TEX46: variants seen among roughly 807,000 people sequenced by gnomAD.
TEX46 encodes testis expressed 46.
Under a neutral mutation model 5.3 loss-of-function variants are expected in TEX46, and 6 were observed. That is an observed-to-expected ratio of 1.13 (90% CI 0.62 to 2.23). The LOEUF (loss-of-function observed/expected upper bound fraction) is 2.23. Ranked by LOEUF, TEX46 falls within the 30% of genes most tolerant of loss-of-function variation. The pLI, the probability that TEX46 is intolerant of heterozygous loss-of-function variation, is 0.00. For missense variants in TEX46, 131 were observed against 150.9 expected (o/e 0.87, Z 0.69); for synonymous variants, 41 against 54.6 (o/e 0.75, Z 1.10).
intron 2 of TEX46, 113 bp from the exon 3 acceptor site, chr1:23,011,214 C>T: frequency 1.4e-6 from 1 of 733,654 alleles, no homozygotes; most frequent in East Asian, 2.7e-5. Context: ...TTAAGCTCCC[C>T]AGCACCAGGA....
chr1:23,013,883 C>G lies in TEX46; in HGVS notation c.165G>C (p.Gln55His), dbSNP rs1357958169. ...EHKLTLPEPQ[Q>H]DEILQRLLFS... ...AAGCCAAGCCCCATCTTGTGCTCAC[C>G]TGCTGGGGCTCTGGGAGGGTGAGCT... Residue 55 changes from glutamine (Q) to histidine (H), a missense_variant and splice_region_variant, in exon 2 of 3, where the codon CAG (glutamine) becomes CAC (histidine). Physicochemically the swap from Gln to His is conservative, Grantham distance 24. Coordinates refer to ENST00000566855, the MANE Select transcript of TEX46 (RefSeq NM_001242521.2). The G allele has an allele frequency of 7.8e-6, 12 of 1,535,688 alleles. No individual in the cohort carries two copies. Among genetic ancestry groups the G allele is most frequent in the Non-Finnish European group, 9.6e-6 (11 of 1,146,748 alleles).
At chr1:23,011,832 G>C (rs1281814600) in intron 2 of TEX46, among the ~76,000 whole-genome samples, 1 of 152,130 alleles carries the variant, frequency 6.6e-6, no homozygotes, top group African/African-American at 2.4e-5. Context: ...CAGTCACAGT[G>C]GACATAAAGC....
chr1:23,013,996 C>T lies in TEX46; in HGVS notation c.52G>A (p.Ala18Thr). ...ASAGTIGAVA[A>T]WLMSYKPALF... ...GCTGGCTTATAGCTCATCAGCCAAG[C>T]TGCCACTGCTCCTATGGTGCCTGCG... The change falls in exon 2 of 3, where the codon GCT (alanine) becomes ACT (threonine). Residue 18 changes from alanine to threonine, a missense_variant. Ala to Thr is a moderately conservative substitution (Grantham distance 58). Coordinates refer to ENST00000566855, the MANE Select transcript of TEX46 (RefSeq NM_001242521.2). 1.3e-6 allele frequency: 2 copies of T among 1,536,090 alleles called. No homozygotes were observed. The highest frequency in any genetic ancestry group is 8.7e-7 in the Non-Finnish European group (1 of 1,146,888).
chr1:23,011,219 C>T (rs1216927659), intron 2 of TEX46, 118 bp from the exon 3 acceptor site: 4 of 703,186 alleles, frequency 5.7e-6, no homozygotes, highest in Middle Eastern at 4.8e-4. Flanking sequence ...CTCCCCAGCA[C>T]CAGGAAAAGG....
intron 2 of TEX46, 130 bp downstream of exon 2, chr1:23,013,753 G>A (rs373125796): frequency 2.4e-6 from 2 of 822,626 alleles, no homozygotes; most frequent in South Asian, 3.5e-5. Context: ...GTAGAGTGGT[G>A]GTTTAGACCA....
chr1:23,014,323 C>T (rs1218292672), intron 1 of TEX46, among the ~76,000 whole-genome samples: 1 of 152,154 alleles, frequency 6.6e-6, no homozygotes, highest in East Asian at 1.9e-4. Flanking sequence ...CATTCATTCA[C>T]CAGTACTTCT....
At chr1:23,013,598 A>G (rs1382557919) in intron 2 of TEX46, among the ~76,000 whole-genome samples, 2 of 152,070 alleles carry the variant, frequency 1.3e-5, no homozygotes, top group African/African-American at 4.8e-5. Context: ...TTTTCACATT[A>G]AAGTAGTTGT....
chr1:23,011,305 C>A, intron 2 of TEX46: 1 of 516,810 alleles, frequency 1.9e-6, no homozygotes, highest in Non-Finnish European at 3.5e-6. Context: ...CAAACATTAT[C>A]TTAACAGAGT....
In TEX46 at chr1:23,011,012, G is replaced by A. The variant is rs774273202; in HGVS notation, c.255C>T (p.His85=). The A allele has an allele frequency of 6.3e-5, 96 of 1,535,816 alleles. 1 individual carries two copies. In the Middle Eastern group the frequency reaches 8.3e-4, roughly 13 times the overall value. The stretch of plus-strand genomic sequence containing the variant: ...TCCGATGTCTGCTTGACCGCCCGTG[G>A]TGATTCATTTTATTCCATATGATGA... ...QMFIIWNKMN[H]HGRSSRHRNF... is the part of the protein sequence containing the mutation. The change falls in exon 3 of 3, where the codon CAC becomes CAT. Residue 85 remains histidine, a synonymous_variant. Transcript: ENST00000566855.
At chr1:23,014,263 A>C in intron 1 of TEX46, 2 of 422,548 alleles carry the variant, frequency 4.7e-6, no homozygotes, top group Non-Finnish European at 6.3e-6. Flanking sequence ...GGCAGTTTGA[A>C]AGCATTATCT....
At chr1:23,014,164 A>AGGGGGGGGGGGGG in intron 1 of TEX46, 119 bp from the exon 2 acceptor site, 3 of 1,307,276 alleles carry the variant, frequency 2.3e-6, no homozygotes, top group Non-Finnish European at 3.0e-6. Flanking sequence ...AGTCATAGCC[A>AGGGGGGGGGGGGG]GCTCCCTCCC....
chr1:23,014,164 A>AGGGGGGGGGGGG, intron 1 of TEX46, 119 bp from the exon 2 acceptor site: 1 of 1,307,272 alleles, frequency 7.6e-7, no homozygotes, highest in Non-Finnish European at 1.0e-6. Context: ...AGTCATAGCC[A>AGGGGGGGGGGGG]GCTCCCTCCC....
intron 2 of TEX46, among the ~76,000 whole-genome samples, chr1:23,012,743 G>GGTGACAA (rs1247108662): frequency 6.6e-6 from 1 of 152,200 alleles, no homozygotes; most frequent in African/African-American, 2.4e-5. Context: ...ACAGGTGACA[G>GGTGACAA]GTGAGCCTCC....
intron 2 of TEX46, among the ~76,000 whole-genome samples, chr1:23,012,393 A>C (rs374949942): frequency 6.6e-6 from 1 of 151,958 alleles, no homozygotes; most frequent in East Asian, 1.9e-4. Flanking sequence ...AAAATTCAAC[A>C]TATCAGGCAT....
At chr1:23,012,562 A>C (rs1165089825) in intron 2 of TEX46, among the ~76,000 whole-genome samples, 1 of 152,178 alleles carries the variant, frequency 6.6e-6, no homozygotes, top group Non-Finnish European at 1.5e-5. Context: ...TGCATTTAAA[A>C]TTTATTTTTC....
chr1:23,015,193 T>G (rs1641402576), intron 1 of TEX46, among the ~76,000 whole-genome samples: 1 of 146,236 alleles, frequency 6.8e-6, no homozygotes, highest in African/African-American at 2.5e-5. Context: ...CTCACGCCTG[T>G]AATCCCAGCA....
rs1298125340 is a variant in TEX46 at position 23,014,020 on chromosome 1, C to A, written c.28G>T (p.Ala10Ser). 6.5e-7 allele frequency: 1 copy of A among 1,535,962 alleles called. No homozygotes were observed. Among genetic ancestry groups the A allele is most frequent in the Admixed American group, 2.0e-5 (1 of 50,976 alleles). The stretch of plus-strand genomic sequence containing the variant: ...GCTGCCACTGCTCCTATGGTGCCTG[C>A]GGAGGCAAGTATCCCATGGAGACTC... MSLHGILAS[A>S]GTIGAVAAWL... is the part of the protein sequence containing the mutation. Residue 10 changes from alanine (A) to serine (S), a missense_variant, in exon 2 of 3, where the codon GCA becomes TCA. Coordinates refer to ENST00000566855, the MANE Select transcript of TEX46 (RefSeq NM_001242521.2).
chr1:23,013,618 C>G (rs928948206), intron 2 of TEX46, among the ~76,000 whole-genome samples: 1 of 151,910 alleles, frequency 6.6e-6, no homozygotes, highest in African/African-American at 2.4e-5. Flanking sequence ...TTACTCTTGC[C>G]AAAGCATGTT....
At chr1:23,014,626 T>C (rs1025754984) in intron 1 of TEX46, among the ~76,000 whole-genome samples, 2 of 151,996 alleles carry the variant, frequency 1.3e-5, no homozygotes, top group African/African-American at 4.8e-5. Flanking sequence ...TGATTGTGGC[T>C]CACTGAAGCC....
Sources: gnomAD v4.1 joint callset for allele counts (sites outside exome capture counted in the v4.1 genomes callset) on GRCh38, gnomAD v4.1.1 for gene constraint, MANE v1.5 for transcripts, NCBI Gene and HGNC (gene_info 2026-07-23, HGNC 2026-07-21) for gene names.